The following GRM7 variants were observed in gnomAD, a reference collection of about 807,000 sequenced individuals.
GRM7 encodes glutamate metabotropic receptor 7.
Under a neutral mutation model 84.5 loss-of-function variants are expected in GRM7, and 35 were observed. That is an observed-to-expected ratio of 0.41 (90% confidence interval 0.32 to 0.55). The LOEUF (loss-of-function observed/expected upper bound fraction) is 0.55, where lower values mean the gene tolerates loss of function less well. GRM7 is among the 20% of genes least tolerant of loss of function. The pLI is 0.19. For synonymous variants in GRM7, 487 were observed against 455.1 expected (o/e 1.07, Z -0.89); for missense variants, 1,003 against 1,194.6 (o/e 0.84, Z 2.36).
At chr3:7,552,142 G>A (rs540497722) in intron 7 of GRM7, among the ~76,000 whole-genome samples, 50 of 152,330 alleles carry the variant, frequency 3.3e-4, no homozygotes, top group African/African-American at 9.6e-4. Context: ...CAGGCCCCAT[G>A]TAAGTCTGAA....
intron 5 of GRM7, among the ~76,000 whole-genome samples, chr3:7,432,397 T>C (rs915342825): frequency 6.6e-6 from 1 of 152,166 alleles, no homozygotes; most frequent in African/African-American, 2.4e-5. Context: ...CTTGGCTCAC[T>C]GCAACCTCTG....
At chr3:7,715,660 G>A (rs1701747963) in intron 9 of GRM7, among the ~76,000 whole-genome samples, 1 of 152,070 alleles carries the variant, frequency 6.6e-6, no homozygotes, top group South Asian at 2.1e-4. Flanking sequence ...TTATTGAATA[G>A]TACAGAGAGT....
At chr3:7,033,690 A>G (rs1259158416) in intron 1 of GRM7, among the ~76,000 whole-genome samples, 1 of 152,160 alleles carries the variant, frequency 6.6e-6, no homozygotes, top group Non-Finnish European at 1.5e-5. Flanking sequence ...CTCTATGCCT[A>G]AAAAACAATA....
intron 7 of GRM7, among the ~76,000 whole-genome samples, chr3:7,544,928 A>T (rs1693071271): frequency 6.6e-6 from 1 of 152,232 alleles, no homozygotes; most frequent in South Asian, 2.1e-4. Flanking sequence ...TTGCCCCCTT[A>T]GGGGCATTAT....
intron 7 of GRM7, among the ~76,000 whole-genome samples, chr3:7,575,607 C>A (rs1694921435): frequency 6.6e-6 from 1 of 152,096 alleles, no homozygotes; most frequent in Non-Finnish European, 1.5e-5. Context: ...ACAAAATTCT[C>A]ATTTACTAGA....
At chr3:7,107,767 T>C (rs987773637) in intron 1 of GRM7, among the ~76,000 whole-genome samples, 15 of 152,050 alleles carry the variant, frequency 9.9e-5, no homozygotes, top group Non-Finnish European at 1.5e-5. Flanking sequence ...AGGGTAGTCA[T>C]TTTTACCATG....
intron 5 of GRM7, among the ~76,000 whole-genome samples, chr3:7,448,855 C>G (rs1214604552): frequency 6.6e-6 from 1 of 151,688 alleles, no homozygotes; most frequent in African/African-American, 2.4e-5. Context: ...GGATGATTGT[C>G]TTTATTAGTG....
chr3:7,308,463 G>T (rs139388752), intron 4 of GRM7, among the ~76,000 whole-genome samples: 62 of 152,232 alleles, frequency 4.1e-4, no homozygotes, highest in African/African-American at 1.4e-3. Flanking sequence ...AGTTGTAGGT[G>T]CTCAAACACA....
At chr3:7,293,488 G>C (rs1699708648) in intron 2 of GRM7, among the ~76,000 whole-genome samples, 1 of 152,198 alleles carries the variant, frequency 6.6e-6, no homozygotes, top group African/African-American at 2.4e-5. Context: ...TATGAATGGA[G>C]TTGTCCTATC....
chr3:7,446,960 G>A (rs1697542099), intron 5 of GRM7, among the ~76,000 whole-genome samples: 1 of 151,776 alleles, frequency 6.6e-6, no homozygotes, highest in Non-Finnish European at 1.5e-5. Flanking sequence ...GAGAGTGAAA[G>A]AATTTATGGG....
intron 1 of GRM7, among the ~76,000 whole-genome samples, chr3:7,074,783 A>T (rs1698005611): frequency 6.6e-6 from 1 of 152,204 alleles, no homozygotes; most frequent in Admixed American, 6.5e-5. Context: ...AGTTGCAGAT[A>T]TGATTTTTGG....
At chr3:7,135,743 G>C (rs1389344345) in intron 1 of GRM7, among the ~76,000 whole-genome samples, 2 of 151,556 alleles carry the variant, frequency 1.3e-5, no homozygotes, top group African/African-American at 4.9e-5. Context: ...AATATACAGA[G>C]GAATAATACA....
intron 2 of GRM7, among the ~76,000 whole-genome samples, chr3:7,175,616 C>T (rs960641212): frequency 6.6e-6 from 1 of 152,204 alleles, no homozygotes; most frequent in Non-Finnish European, 1.5e-5. Context: ...CGGCTCACTG[C>T]AACCTCTGCC....
chr3:7,704,467 A>C (rs1266040603), intron 9 of GRM7, among the ~76,000 whole-genome samples: 1 of 152,226 alleles, frequency 6.6e-6, no homozygotes, highest in East Asian at 1.9e-4. Flanking sequence ...AATGTGTAAC[A>C]GTTGAATTTA....
chr3:7,555,587 A>G (rs532792037), intron 7 of GRM7, among the ~76,000 whole-genome samples: 2 of 152,320 alleles, frequency 1.3e-5, no homozygotes, highest in East Asian at 3.9e-4. Context: ...GCACCTTTCA[A>G]TGGCAAATTA....
chr3:7,207,180 G>C (rs1010144291), intron 2 of GRM7, among the ~76,000 whole-genome samples: 4 of 152,156 alleles, frequency 2.6e-5, no homozygotes, highest in African/African-American at 9.7e-5. Flanking sequence ...CTTTCTCACA[G>C]CCTTCCGCCA....
chr3:7,504,386 A>G (rs1009291031), intron 7 of GRM7, among the ~76,000 whole-genome samples: 94 of 152,316 alleles, frequency 6.2e-4, no homozygotes, highest in African/African-American at 2.2e-3. Context: ...CTGAGCTCTA[A>G]GATTATACTC....
At chr3:7,035,429 T>G (rs1421522611) in intron 1 of GRM7, among the ~76,000 whole-genome samples, 1 of 152,160 alleles carries the variant, frequency 6.6e-6, no homozygotes, top group African/African-American at 2.4e-5. Context: ...AGAATGCTAT[T>G]TCAATACAGA....
intron 5 of GRM7, among the ~76,000 whole-genome samples, chr3:7,418,304 A>G (rs887567096): frequency 1.3e-5 from 2 of 152,298 alleles, no homozygotes; most frequent in Middle Eastern, 3.4e-3. Context: ...ATTCGCAGTG[A>G]GCCATCCTGC....
Sources: allele counts gnomAD v4.1 joint callset (sites outside exome capture counted in the v4.1 genomes callset), GRCh38; gene constraint gnomAD v4.1.1; transcripts MANE v1.5; gene names NCBI Gene and HGNC (gene_info 2026-07-23, HGNC 2026-07-21).